The following TENM4 variants were observed in gnomAD, a reference collection of about 807,000 sequenced individuals.
TENM4 encodes the protein teneurin transmembrane protein 4.
TENM4 carries 82 observed loss-of-function variants against 243.3 expected under a neutral mutation model. The observed-to-expected ratio is 0.34, with a 90% CI of 0.28 to 0.40. The LOEUF (loss-of-function observed/expected upper bound fraction) is 0.40, where lower values mean the gene tolerates loss of function less well. TENM4 is among the 10% of genes least tolerant of loss of function. The pLI, the probability that TENM4 is intolerant of heterozygous loss-of-function variation, is 1.00. For synonymous variants in TENM4, 1,412 were observed against 1,456.3 expected, an observed-to-expected ratio of 0.97 and a Z score of 0.69; for missense variants, 3,138 against 3,673.3, an observed-to-expected ratio of 0.85 and a Z score of 3.77.
intron 1 of TENM4, among the ~76,000 whole-genome samples, chr11:79,390,214 G>A (rs1858203200): frequency 6.6e-6 from 1 of 152,204 alleles, no homozygotes; most frequent in Non-Finnish European, 1.5e-5. Flanking sequence ...CAGGGCAAGA[G>A]AGGGGTCCAG....
At chr11:79,338,800 T>C (rs968873945) in intron 1 of TENM4, among the ~76,000 whole-genome samples, 2 of 152,198 alleles carry the variant, frequency 1.3e-5, no homozygotes, top group African/African-American at 4.8e-5. Context: ...CAGCTGAACC[T>C]TGGACAAGTC....
intron 9 of TENM4, among the ~76,000 whole-genome samples, chr11:78,872,165 C>T (rs1324125519): frequency 6.6e-6 from 1 of 152,128 alleles, no homozygotes; most frequent in South Asian, 2.1e-4. Context: ...TCCAGTGATG[C>T]CAGATATGAA....
rs941843565 is a variant in TENM4, at chr11:79,146,491, C to T, written c.-66+2219G>A. On this transcript the variant is annotated intron_variant, in intron 4 of 33. Coordinates refer to ENST00000278550, the MANE Select transcript of TENM4 (RefSeq NM_001098816.3). ...GTGTGGAAACACCTCTGAAATTAGC[C>T]CTTTCAACAGGTACTAGAGGGTACG... Among the ~76,000 whole-genome samples, 6 of 152,130 alleles carry T rather than the reference C, an allele frequency of 3.9e-5. No individual in the cohort carries two copies. In the East Asian group the frequency reaches 9.7e-4, roughly 25 times the overall value.
chr11:78,870,980 T>C (rs1169781959), intron 9 of TENM4, among the ~76,000 whole-genome samples: 2 of 152,200 alleles, frequency 1.3e-5, no homozygotes, highest in Non-Finnish European at 2.9e-5. Context: ...CTAAGACCTC[T>C]TCCGTATATA....
chr11:79,040,164 A>G (rs1859483055), intron 6 of TENM4, among the ~76,000 whole-genome samples: 1 of 152,134 alleles, frequency 6.6e-6, no homozygotes, highest in Non-Finnish European at 1.5e-5. Context: ...CTGAGTGCAG[A>G]CCCGGTGCAA....
chr11:79,119,209 C>G (rs1861686382), intron 4 of TENM4, among the ~76,000 whole-genome samples: 1 of 152,132 alleles, frequency 6.6e-6, no homozygotes. Context: ...ATTCCTGGGC[C>G]TCCATCCAGG....
chr11:79,100,021 C>G (rs1294574724), intron 4 of TENM4, among the ~76,000 whole-genome samples: 1 of 152,142 alleles, frequency 6.6e-6, no homozygotes, highest in Non-Finnish European at 1.5e-5. Flanking sequence ...ACGCCAGGGC[C>G]GTTTTTAGCA....
chr11:78,811,467 T>C (rs1161216935), intron 14 of TENM4, among the ~76,000 whole-genome samples: 1 of 152,168 alleles, frequency 6.6e-6, no homozygotes, highest in African/African-American at 2.4e-5. Context: ...CAGATGTCAG[T>C]GTTAAATCAA....
At chr11:79,021,723 A>T (rs895105349) in intron 6 of TENM4, 1 of 152,260 alleles carries the variant, frequency 6.6e-6, no homozygotes, top group African/African-American at 2.4e-5. Context: ...CCACAGCTGC[A>T]GGTGAGTAAT....
At chr11:79,049,635 T>C (rs1345180378) in intron 6 of TENM4, among the ~76,000 whole-genome samples, 1 of 152,232 alleles carries the variant, frequency 6.6e-6, no homozygotes, top group African/African-American at 2.4e-5. Context: ...GGAGGGGCTA[T>C]CTGTGCCTAG....
At position 79,378,276 on chromosome 11, in the gene TENM4, T is replaced by C. The variant is rs184484434; in HGVS notation, c.-321+62233A>G. Among the ~76,000 whole-genome samples, 57 of 152,270 alleles carry C rather than the reference T, an allele frequency of 3.7e-4. No homozygotes were observed. The Middle Eastern group carries it at 0.014, about 36-fold the overall frequency. On this transcript the variant is annotated intron_variant, in intron 1 of 33. Transcript: ENST00000278550. ...TCTGTCCTGCACCTGTAGGGGCCAATGGAGTAGGGGGCCTGGGGCCCTTCT... is the reference window on the plus strand; with the variant it reads ...TCTGTCCTGCACCTGTAGGGGCCAACGGAGTAGGGGGCCTGGGGCCCTTCT...
chr11:79,435,121 C>T (rs1489888272), intron 1 of TENM4, among the ~76,000 whole-genome samples: 1 of 152,058 alleles, frequency 6.6e-6, no homozygotes, highest in African/African-American at 2.4e-5. Flanking sequence ...TTCATAAAGT[C>T]ACAAGGTACA....
At chr11:79,400,185 T>C (rs1312793907) in intron 1 of TENM4, among the ~76,000 whole-genome samples, 1 of 149,894 alleles carries the variant, frequency 6.7e-6, no homozygotes, top group Admixed American at 6.7e-5. Flanking sequence ...GTGAGGGAGA[T>C]GCTTTATCAA....
chr11:79,320,981 C>T (rs1476718290), intron 1 of TENM4, among the ~76,000 whole-genome samples: 1 of 152,206 alleles, frequency 6.6e-6, no homozygotes, highest in East Asian at 1.9e-4. Context: ...GGAAGCATCC[C>T]TGATTCACAG....
chr11:79,283,565 CTT>C (rs1856197023), intron 2 of TENM4, among the ~76,000 whole-genome samples: 1 of 152,126 alleles, frequency 6.6e-6, no homozygotes, highest in East Asian at 1.9e-4. Context: ...AAATACTTAA[CTT>C]GATAGAGGTC....
At chr11:79,113,433 A>G (rs1191026799) in intron 4 of TENM4, among the ~76,000 whole-genome samples, 5 of 129,862 alleles carry the variant, frequency 3.9e-5, no homozygotes, top group Non-Finnish European at 8.5e-5. Context: ...TGTGTGTGAC[A>G]GAGAGAGAGA....
chr11:78,987,416 C>T (rs1857943593), intron 6 of TENM4, among the ~76,000 whole-genome samples: 1 of 152,246 alleles, frequency 6.6e-6, no homozygotes, highest in Admixed American at 6.5e-5. Context: ...GTCCACACCA[C>T]ATGATTCTGT....
intron 1 of TENM4, among the ~76,000 whole-genome samples, chr11:79,309,052 G>A (rs1008977586): frequency 2.6e-5 from 4 of 151,992 alleles, no homozygotes; most frequent in South Asian, 2.1e-4. Flanking sequence ...GAGGGGTGGG[G>A]ACTATGGTAA....
chr11:79,081,172 G>A (rs1038506623), intron 4 of TENM4, among the ~76,000 whole-genome samples: 2 of 152,230 alleles, frequency 1.3e-5, no homozygotes, highest in African/African-American at 4.8e-5. Flanking sequence ...GGAGGAAGGG[G>A]TTAGTCCCTC....
Sources: gnomAD v4.1 joint callset for allele counts (sites outside exome capture counted in the v4.1 genomes callset) on GRCh38, gnomAD v4.1.1 for gene constraint, MANE v1.5 for transcripts, NCBI Gene and HGNC (gene_info 2026-07-23, HGNC 2026-07-21) for gene names.